The following L1CAM variants were observed in gnomAD, a reference collection of about 807,000 sequenced individuals.
The protein encoded by L1CAM is neural cell adhesion molecule L1.
A neutral mutation model predicts 93.0 loss-of-function variants in L1CAM; 8 were observed. That is an observed-to-expected ratio of 0.09 (90% CI 0.05 to 0.16). L1CAM has a LOEUF of 0.16. L1CAM is among the 10% of genes least tolerant of loss of function. The probability of loss-of-function intolerance (pLI) is 1.00; values close to 1 mark genes in which losing one functional copy is unlikely to be tolerated. For missense variants in L1CAM, 777 were observed against 1,073.4 expected (o/e 0.72, Z 3.86); for synonymous variants, 453 against 453.0 (o/e 1.00, Z 0.00).
chrX:153,873,454 G>A (rs1479771607), intron 2 of L1CAM, among the ~76,000 whole-genome samples: 21 of 112,399 alleles, frequency 1.9e-4, no homozygotes, highest in African/African-American at 6.8e-4. Flanking sequence ...GGGACAGAGA[G>A]ATGCCCAGGG....
intron 2 of L1CAM, chrX:153,875,538 G>T: frequency 2.0e-6 from 1 of 498,264 alleles, no homozygotes; most frequent in Non-Finnish European, 3.6e-6. Flanking sequence ...CCCGGCGGCC[G>T]CGCCTGTCCC....
intron 3 of L1CAM, 86 bp downstream of exon 3, chrX:153,873,142 G>C: frequency 3.2e-6 from 3 of 948,383 alleles, no homozygotes; most frequent in Non-Finnish European, 4.6e-6. Flanking sequence ...CGGCACTCAG[G>C]AGGGCGGGGG....
Position 153,865,197 on chromosome X carries a change from G to A in L1CAM, c.2763C>T (p.Pro921=), listed in dbSNP as rs781813303. 5.8e-5 allele frequency: 70 copies of A among 1,207,701 alleles called. No homozygotes were observed. The South Asian group carries it at 7.4e-4, about 13-fold the overall frequency. ...ACTGGCACTCCAGGTGCAACGCCTC[G>A]GGGTGGCCAGGCACTGCAGGGCACA... ...FSTPEGVPGH[P]EALHLECQSN... Residue 921 remains proline (P), a synonymous_variant, in exon 22 of 29, where the codon CCC becomes CCT. Transcript: ENST00000370060.
At chrX:153,863,860 G>A (rs1356064284) in intron 26 of L1CAM, 23 bp downstream of exon 26, 10 of 1,210,392 alleles carry the variant, frequency 8.3e-6, no homozygotes, top group South Asian at 7.0e-5. Context: ...CTCCACCCCC[G>A]TCACGTGGGG....
At chrX:153,882,834 T>C (rs868942318) in intron 1 of L1CAM, among the ~76,000 whole-genome samples, 1 of 111,986 alleles carries the variant, frequency 8.9e-6, no homozygotes, top group Non-Finnish European at 1.9e-5. Flanking sequence ...CCTCTGCAGC[T>C]TTCCAACCTG....
chrX:153,870,490 A>C lies in L1CAM; in HGVS notation c.704T>G (p.Met235Arg). Residue 235 changes from methionine to arginine, a missense_variant, in exon 8 of 29, where the codon ATG becomes AGG. Transcript: ENST00000370060. ...IDLRVKATNS[M>R]IDRKPRLLFP... ...GAGCAGGCGCGGCTTCCTGTCAATC[A>C]TGCTGTTGGCTGCCAGGAGAAAGTG... is the stretch of plus-strand genomic sequence containing the variant. The C allele has an allele frequency of 8.3e-7, 1 of 1,208,985 alleles. No homozygotes were observed. The highest frequency in any genetic ancestry group is 1.1e-6 in the Non-Finnish European group (1 of 893,001).
intron 4 of L1CAM, 113 bp from the exon 5 acceptor site, chrX:153,872,467 T>A: frequency 1.1e-6 from 1 of 936,223 alleles, no homozygotes; most frequent in Admixed American, 2.3e-5. Context: ...GACTGGGAGA[T>A]GGCGAGGACT....
rs781960979 is a variant in L1CAM at position 153,869,939 on chromosome X, G to T, written c.992-5C>A. 21 of 1,207,993 alleles carry T rather than the reference G, an allele frequency of 1.7e-5. No homozygotes were observed. The highest frequency in any genetic ancestry group is 2.3e-5 in the Non-Finnish European group (21 of 894,043). On this transcript the variant is annotated splice_polypyrimidine_tract_variant and splice_region_variant and intron_variant, in intron 9 of 28. Coordinates refer to ENST00000370060, the MANE Select transcript of L1CAM (RefSeq NM_001278116.2). Reference sequence around the variant, plus strand: ...TGTGCAGCCAGTACGGGGCAGCTGGGAGGAAGGGGAGAGCCGCCCTGAGCC... The same window carrying T: ...TGTGCAGCCAGTACGGGGCAGCTGGTAGGAAGGGGAGAGCCGCCCTGAGCC...
At chrX:153,885,672 G>C in intron 1 of L1CAM, 1 of 295,153 alleles carries the variant, frequency 3.4e-6, no homozygotes, top group Non-Finnish European at 5.6e-6. Flanking sequence ...ACCCCACGGC[G>C]GCCTGTGGGG....
chrX:153,885,444 C>G (rs370044325), intron 1 of L1CAM: 6 of 969,271 alleles, frequency 6.2e-6, no homozygotes, highest in South Asian at 2.0e-5. Flanking sequence ...CGGGTGAGCC[C>G]GGAGGAGCCC....
At chrX:153,871,208 C>A (rs781915182) in intron 5 of L1CAM, 29 bp from the exon 6 acceptor site, 1 of 1,202,620 alleles carries the variant, frequency 8.3e-7, no homozygotes, top group South Asian at 1.8e-5. Flanking sequence ...CTGACACTCT[C>A]CTCCTGGTCC....
intron 9 of L1CAM, 28 bp from the exon 10 acceptor site, chrX:153,869,962 G>A (rs2064752621): frequency 2.5e-6 from 3 of 1,209,614 alleles, no homozygotes; most frequent in Non-Finnish European, 3.4e-6. Flanking sequence ...GCCGCCCTGA[G>A]CCCGCAGCCA....
chrX:153,870,102 C>A lies in L1CAM; in HGVS notation c.945G>T (p.Glu315Asp). ...CATGCCGGGCACTGCCCAGTGAGTTCTCGGCCAGGCAGCGGTACTCGCCAT... is the reference window on the plus strand; with the variant it reads ...CATGCCGGGCACTGCCCAGTGAGTTATCGGCCAGGCAGCGGTACTCGCCAT... ...EDDGEYRCLA[E>D]NSLGSARHAY... is the part of the protein sequence containing the mutation. The change falls in exon 9 of 29, where the codon GAG (glutamate) becomes GAT (aspartate). Residue 315 changes from glutamate (E) to aspartate (D), a missense_variant. Glu to Asp is a conservative substitution (Grantham distance 45, BLOSUM62 2). Transcript: ENST00000370060. 8.3e-7 allele frequency: 1 copy of A among 1,211,889 alleles called. No homozygotes were observed. The highest frequency in any genetic ancestry group is 1.7e-5 in the African/African-American group (1 of 57,891).
Position 153,862,773 on chromosome X carries a change from C to T in L1CAM, c.3664G>A (p.Asp1222Asn). 8.3e-7 allele frequency: 1 copy of T among 1,211,021 alleles called. No individual in the cohort carries two copies. The highest frequency in any genetic ancestry group is 1.1e-6 in the Non-Finnish European group (1 of 895,148). ...CTGTACTGGCCAATGAACGAACCAT[C>T]CTCGTTGAACTGAACATCCACGCTG... is the stretch of plus-strand genomic sequence containing the variant. ...GGSVDVQFNE[D>N]GSFIGQYSGK... Residue 1222 changes from aspartate (D) to asparagine (N), a missense_variant, in exon 29 of 29, where the codon GAT becomes AAT. By Grantham distance (23) the Asp-to-Asn change is conservative (BLOSUM62 1). This residue lies in a region of L1CAM where 110 missense variants were observed against 141.7 expected (regional missense o/e 0.78). Coordinates refer to ENST00000370060, the MANE Select transcript of L1CAM (RefSeq NM_001278116.2).
At chrX:153,866,479 C>T (rs893048439) in intron 19 of L1CAM, among the ~76,000 whole-genome samples, 170 bp downstream of exon 19, 44 of 111,723 alleles carry the variant, frequency 3.9e-4, no homozygotes, top group African/African-American at 1.4e-3. Flanking sequence ...AATACCGCTG[C>T]CAATTATAGA....
chrX:153,871,573 C>T (rs1354655872), intron 5 of L1CAM, among the ~76,000 whole-genome samples: 1 of 108,437 alleles, frequency 9.2e-6, no homozygotes, highest in African/African-American at 3.4e-5. Flanking sequence ...ACCATGGCAA[C>T]GGTTCCCAAG....
Position 153,868,829 on chromosome X carries a change from C to A in L1CAM, c.1379+12G>T. ...GACACGACACTCACCACTACCAGGA[C>A]GAGACACTCACCACTGAACACTGGG... On this transcript the variant is annotated intron_variant, in intron 12 of 28. Coordinates refer to ENST00000370060, the MANE Select transcript of L1CAM (RefSeq NM_001278116.2). The A allele has an allele frequency of 1.7e-6, 2 of 1,206,111 alleles. No homozygotes were observed. The highest frequency in any genetic ancestry group is 2.2e-6 in the Non-Finnish European group (2 of 890,085).
intron 1 of L1CAM, 33 bp from the exon 2 acceptor site, chrX:153,875,977 G>A (rs2148502734): frequency 1.9e-6 from 1 of 521,870 alleles, no homozygotes; most frequent in Non-Finnish European, 3.4e-6. Flanking sequence ...GGAAGGGTGG[G>A]GGAAGAGAGA....
Position 153,863,928 on chromosome X carries a change from G to C in L1CAM, c.3412C>G (p.Leu1138Val), listed in dbSNP as rs781860875. 5 of 1,212,187 alleles carry C rather than the reference G, an allele frequency of 4.1e-6. No homozygotes were observed. Among genetic ancestry groups the C allele is most frequent in the Non-Finnish European group, 4.5e-6 (4 of 895,487 alleles). ...SAIILLLLVL[L>V]ILCFIKRSKG... ...CTGCGCTTGATGAAGCAGAGGATGAGCAGGACGAGGAGCAGGAGGATGATG... is the reference window on the plus strand; with the variant it reads ...CTGCGCTTGATGAAGCAGAGGATGACCAGGACGAGGAGCAGGAGGATGATG... The change falls in exon 26 of 29, where the codon CTC (leucine) becomes GTC (valine). Residue 1138 changes from leucine (L) to valine (V), a missense_variant. Around this residue, in one of 5 missense-constraint regions of L1CAM, gnomAD observed 110 missense variants for 141.7 expected, o/e 0.78. Transcript: ENST00000370060.
Sources: gnomAD v4.1 joint callset for allele counts (sites outside exome capture counted in the v4.1 genomes callset) on GRCh38, gnomAD v4.1.1 for gene constraint, gnomAD v4.1.1 regional missense constraint, MANE v1.5 for transcripts, NCBI Gene and HGNC (gene_info 2026-07-23, HGNC 2026-07-21) for gene names.